Variants in MGMT observed in about 807,000 individuals in gnomAD.
MGMT encodes the protein O-6-methylguanine-DNA methyltransferase, also known as methylated-DNA--protein-cysteine methyltransferase.
Under a neutral mutation model 15.9 loss-of-function variants are expected in MGMT, and 14 were observed. That is an observed-to-expected ratio of 0.88 (90% CI 0.58 to 1.37). The LOEUF (loss-of-function observed/expected upper bound fraction) is 1.37, where lower values mean the gene tolerates loss of function less well. Ranked by LOEUF, MGMT falls within the 40% of genes most tolerant of loss-of-function variation. MGMT has a pLI of 0.00. For synonymous variants in MGMT, 130 were observed against 118.2 expected (o/e 1.10, Z -0.65); for missense variants, 282 against 268.1 (o/e 1.05, Z -0.36).
intron 3 of MGMT, among the ~76,000 whole-genome samples, chr10:129,719,701 C>T (rs1233735662): frequency 6.6e-6 from 1 of 152,156 alleles, no homozygotes; most frequent in East Asian, 1.9e-4. Context: ...AACTTCTTCA[C>T]CTCTTAAAGA....
At chr10:129,714,354 A>G (rs545290251) in intron 3 of MGMT, among the ~76,000 whole-genome samples, 7 of 152,310 alleles carry the variant, frequency 4.6e-5, no homozygotes, top group African/African-American at 1.4e-4. Flanking sequence ...CTACCTAGCA[A>G]TTGTCATGAG....
intron 1 of MGMT, among the ~76,000 whole-genome samples, chr10:129,504,273 G>A (rs1001102491): frequency 6.6e-6 from 1 of 152,178 alleles, no homozygotes; most frequent in African/African-American, 2.4e-5. Context: ...TCATCATCTG[G>A]TCAACGTTGA....
chr10:129,551,963 G>C (rs1478956765), intron 2 of MGMT, among the ~76,000 whole-genome samples: 2 of 152,208 alleles, frequency 1.3e-5, no homozygotes, highest in African/African-American at 4.8e-5. Context: ...GTTCAGCCCA[G>C]GCTTGCCGGA....
At chr10:129,658,061 C>T (rs2133103404) in intron 2 of MGMT, among the ~76,000 whole-genome samples, 1 of 152,342 alleles carries the variant, frequency 6.6e-6, no homozygotes, top group East Asian at 1.9e-4. Context: ...TAAAGGTGAT[C>T]TCCCTGGTCC....
chr10:129,668,811 A>G (rs1352564171), intron 2 of MGMT, among the ~76,000 whole-genome samples: 1 of 152,180 alleles, frequency 6.6e-6, no homozygotes, highest in South Asian at 2.1e-4. Context: ...TTTGAAATGT[A>G]GAGAAGGTTT....
chr10:129,530,100 G>A (rs926609822), intron 1 of MGMT, among the ~76,000 whole-genome samples: 2 of 151,804 alleles, frequency 1.3e-5, no homozygotes, highest in Non-Finnish European at 2.9e-5. Context: ...CTGGGGTTTC[G>A]CCACATTGCC....
In MGMT at chr10:129,563,259, C is replaced by A. The variant is rs1846301358; in HGVS notation, c.125+26882C>A. 2.6e-5 allele frequency among the ~76,000 whole-genome samples: 4 copies of A among 152,164 alleles called. No individual in the cohort carries two copies. In the South Asian group the frequency reaches 8.3e-4, roughly 32 times the overall value. The stretch of plus-strand genomic sequence containing the variant: ...GTTACGTGCTGGCCATGGTCCCAGG[C>A]CTGCGGGATGCAGAGGCGAGGACAG... On this transcript the variant is annotated intron_variant, in intron 2 of 4. Coordinates refer to ENST00000651593, the MANE Select transcript of MGMT (RefSeq NM_002412.5).
At chr10:129,479,368 A>T (rs1845330539) in intron 1 of MGMT, among the ~76,000 whole-genome samples, 1 of 132,010 alleles carries the variant, frequency 7.6e-6, no homozygotes, top group African/African-American at 2.9e-5. Context: ...TGGGAACCCA[A>T]TTAAAATAGA....
At chr10:129,551,913 A>C (rs1450690749) in intron 2 of MGMT, among the ~76,000 whole-genome samples, 1 of 152,142 alleles carries the variant, frequency 6.6e-6, no homozygotes, top group East Asian at 1.9e-4. Context: ...TGAGTACCAA[A>C]GGCGAGTCCC....
intron 2 of MGMT, among the ~76,000 whole-genome samples, chr10:129,671,572 A>G (rs1053863572): frequency 1.3e-5 from 2 of 152,206 alleles, no homozygotes; most frequent in African/African-American, 4.8e-5. Flanking sequence ...TATATTTACT[A>G]TCTGGCCCTT....
chr10:129,508,338 G>A (rs1845645944), intron 1 of MGMT, among the ~76,000 whole-genome samples: 1 of 152,118 alleles, frequency 6.6e-6, no homozygotes, highest in South Asian at 2.1e-4. Flanking sequence ...GGGGTTGGCA[G>A]GGGAAGGAGG....
At chr10:129,479,835 TG>T (rs1845337814) in intron 1 of MGMT, among the ~76,000 whole-genome samples, 1 of 152,078 alleles carries the variant, frequency 6.6e-6, no homozygotes, top group Non-Finnish European at 1.5e-5. Context: ...CCCTCCTTGC[TG>T]GGGGTCCTCA....
In MGMT at chr10:129,686,801, C is replaced by T. The variant is rs12764855; in HGVS notation, c.126-21094C>T. Among the ~76,000 whole-genome samples, 775 of 152,312 alleles carry T rather than the reference C, an allele frequency of 5.1e-3. 3 individuals are homozygous for T. Among genetic ancestry groups the T allele is most frequent in the Non-Finnish European group, 7.2e-3 (487 of 68,020 alleles). Reference sequence around the variant, plus strand: ...AATACAGAAGTCATGAGTTTGAAGGCTGTGATAGAGGAAGGCCGGGAGAGA... The same window carrying T: ...AATACAGAAGTCATGAGTTTGAAGGTTGTGATAGAGGAAGGCCGGGAGAGA... On this transcript the variant is annotated intron_variant, in intron 2 of 4. Transcript: ENST00000651593.
chr10:129,705,226 G>A (rs1848146824), intron 2 of MGMT, among the ~76,000 whole-genome samples: 1 of 152,206 alleles, frequency 6.6e-6, no homozygotes, highest in Admixed American at 6.5e-5. Context: ...TCAGGCAGAA[G>A]CTCCAGAACT....
At chr10:129,547,231 T>G (rs1846106929) in intron 2 of MGMT, among the ~76,000 whole-genome samples, 1 of 152,206 alleles carries the variant, frequency 6.6e-6, no homozygotes, top group Admixed American at 6.5e-5. Flanking sequence ...TTGATTTCAC[T>G]GTATCTGTCT....
chr10:129,677,064 T>C (rs2133116992), intron 2 of MGMT, among the ~76,000 whole-genome samples: 1 of 152,312 alleles, frequency 6.6e-6, no homozygotes, highest in East Asian at 1.9e-4. Context: ...AAGCGGCTGA[T>C]TCTGCAGCCT....
At chr10:129,480,184 C>T (rs984273352) in intron 1 of MGMT, among the ~76,000 whole-genome samples, 14 of 152,116 alleles carry the variant, frequency 9.2e-5, no homozygotes, top group African/African-American at 3.4e-4. Flanking sequence ...GAGAATCTGG[C>T]CTCACTCAGG....
At chr10:129,485,765 G>T (rs931739558) in intron 1 of MGMT, among the ~76,000 whole-genome samples, 3 of 152,208 alleles carry the variant, frequency 2.0e-5, no homozygotes, top group Non-Finnish European at 2.9e-5. Flanking sequence ...GCTCTGTCAT[G>T]GCTAGAAGTG....
At chr10:129,648,194 A>G (rs1258941746) in intron 2 of MGMT, among the ~76,000 whole-genome samples, 2 of 152,226 alleles carry the variant, frequency 1.3e-5, no homozygotes, top group Non-Finnish European at 2.9e-5. Context: ...TTTGCTGTCA[A>G]GGGAAAATAT....
Sources: allele counts gnomAD v4.1 joint callset (sites outside exome capture counted in the v4.1 genomes callset), GRCh38; gene constraint gnomAD v4.1.1; transcripts MANE v1.5; gene names NCBI Gene and HGNC (gene_info 2026-07-23, HGNC 2026-07-21).